Variants in GLB1 observed in about 807,000 individuals in gnomAD.
GLB1 encodes the protein galactosidase beta 1.
A neutral mutation model predicts 74.0 loss-of-function variants in GLB1; 56 were observed. The observed-to-expected ratio is 0.76, with a 90% CI of 0.61 to 0.94. The LOEUF (loss-of-function observed/expected upper bound fraction) is 0.94. GLB1 is among the 40% of genes least tolerant of loss of function. The pLI is 0.00. For synonymous variants in GLB1, 323 were observed against 323.6 expected (o/e 1.00, Z 0.02); for missense variants, 787 against 845.5 (o/e 0.93, Z 0.86).
rs934359178 is a variant in GLB1 at position 33,090,916 on chromosome 3, G to A, written c.75+6095C>T. ...ATTCAAGAGAAAGAAAAGAGGTAAGGATGCAAAATTAAAAAAAAAATAGGA... is the reference window on the plus strand; with the variant it reads ...ATTCAAGAGAAAGAAAAGAGGTAAGAATGCAAAATTAAAAAAAAAATAGGA... On this transcript the variant is annotated intron_variant, in intron 1 of 15. Coordinates refer to ENST00000307363, the MANE Select transcript of GLB1 (RefSeq NM_000404.4). 1.5e-5 allele frequency: 15 copies of A among 985,048 alleles called. No individual in the cohort carries two copies. In the African/African-American group the frequency reaches 2.5e-4, roughly 16 times the overall value. The allele number at this position is 985,048 out of a possible 1,614,324, so 61.0% of individuals were successfully genotyped here. A position where few individuals can be genotyped will look rare whatever the true frequency, so the allele number is the denominator to read the frequency against.
At chr3:33,021,770 A>G (rs1697495545) in intron 11 of GLB1, 115 bp from the exon 12 acceptor site, 2 of 1,184,196 alleles carry the variant, frequency 1.7e-6, no homozygotes, top group African/African-American at 1.5e-5. Flanking sequence ...CCCTAAATAA[A>G]CCTAAATCAT....
downstream of GLB1, among the ~76,000 whole-genome samples, chr3:32,991,937 G>C (rs1352320848): frequency 6.6e-6 from 1 of 152,240 alleles, no homozygotes; most frequent in Non-Finnish European, 1.5e-5. Flanking sequence ...AGACTTACTG[G>C]TTTATTATGC....
chr3:33,087,579 GC>G (rs1700563464), intron 1 of GLB1, among the ~76,000 whole-genome samples: 2 of 141,802 alleles, frequency 1.4e-5, no homozygotes, highest in African/African-American at 5.3e-5. Flanking sequence ...CAGCATGCGC[GC>G]ACACACACAC....
chr3:33,091,651 C>T, intron 1 of GLB1: 1 of 984,696 alleles, frequency 1.0e-6, no homozygotes, highest in Non-Finnish European at 1.2e-6. Context: ...GATAATTATC[C>T]CCATTTTAGG....
At chr3:33,056,396 G>T (rs554885675) in intron 6 of GLB1, among the ~76,000 whole-genome samples, 1 of 151,850 alleles carries the variant, frequency 6.6e-6, no homozygotes, top group African/African-American at 2.4e-5. Flanking sequence ...TCAAGGAACT[G>T]GTCTTTTTTG....
In GLB1 at chr3:33,035,292, T is replaced by A. The variant is rs1290515785; in HGVS notation, c.1068+10828A>T. Among the ~76,000 whole-genome samples, 3 of 151,722 alleles carry A rather than the reference T, an allele frequency of 2.0e-5. No individual in the cohort carries two copies. In the East Asian group the frequency reaches 5.8e-4, roughly 29 times the overall value. On this transcript the variant is annotated intron_variant, in intron 10 of 15. Transcript: ENST00000307363. ...ACAAAAAAATTAAAAATTAGACAGG[T>A]GTGGTGGCGCACACCTGTAGTTCTA...
the GLB1 span, among the ~76,000 whole-genome samples, chr3:32,961,256 CAG>C: frequency 6.6e-6 from 1 of 152,234 alleles, no homozygotes; most frequent in African/African-American, 2.4e-5. Context: ...GACTTAGAGA[CAG>C]AGATCCTTTT....
intron 1 of GLB1, among the ~76,000 whole-genome samples, chr3:33,086,866 C>G (rs1001163557): frequency 7.3e-5 from 11 of 149,912 alleles, no homozygotes; most frequent in African/African-American, 2.7e-4. Flanking sequence ...GATCCTGTTT[C>G]AAACAAAATA....
the GLB1 span, among the ~76,000 whole-genome samples, chr3:32,976,226 G>A: frequency 1.3e-5 from 2 of 152,150 alleles, no homozygotes; most frequent in African/African-American, 2.4e-5. Flanking sequence ...CAGATCCCTT[G>A]GCACTCCTTT....
At chr3:33,072,826 T>C in intron 1 of GLB1, 113 bp from the exon 2 acceptor site, 1 of 1,493,914 alleles carries the variant, frequency 6.7e-7, no homozygotes, top group Non-Finnish European at 9.1e-7. Context: ...AATGTGCTGA[T>C]GGACTTAATG....
chr3:33,046,976 G>T (rs923444584), intron 9 of GLB1, among the ~76,000 whole-genome samples: 2 of 152,150 alleles, frequency 1.3e-5, no homozygotes, highest in Non-Finnish European at 2.9e-5. Flanking sequence ...AACCCTCAGG[G>T]ATAGCCCACA....
chr3:33,020,645 A>T (rs1697429446), intron 12 of GLB1, among the ~76,000 whole-genome samples: 3 of 152,342 alleles, frequency 2.0e-5, no homozygotes, highest in Admixed American at 2.0e-4. Context: ...GAATATAATT[A>T]ATGTGTGATT....
intron 15 of GLB1, among the ~76,000 whole-genome samples, chr3:33,009,678 C>T (rs1269300557): frequency 2.0e-5 from 3 of 152,154 alleles, no homozygotes; most frequent in African/African-American, 7.2e-5. Context: ...AGTCTAAATA[C>T]ATTTAAGAAG....
At chr3:33,095,856 G>A (rs1701003115) in intron 1 of GLB1, among the ~76,000 whole-genome samples, 1 of 152,180 alleles carries the variant, frequency 6.6e-6, no homozygotes, top group Non-Finnish European at 1.5e-5. Flanking sequence ...GGTCCTACGG[G>A]CCTTCTGGAC....
the GLB1 span, among the ~76,000 whole-genome samples, chr3:32,983,371 T>G: frequency 6.6e-6 from 1 of 152,236 alleles, no homozygotes; most frequent in Non-Finnish European, 1.5e-5. Flanking sequence ...TCTTCTACTG[T>G]GTCTAACCAA....
At chr3:33,076,521 G>A (rs1417452207) in intron 1 of GLB1, among the ~76,000 whole-genome samples, 1 of 152,168 alleles carries the variant, frequency 6.6e-6, no homozygotes, top group East Asian at 1.9e-4. Context: ...TATGGCCCAC[G>A]GTGGTGACAA....
chr3:33,065,585 G>C (rs373583090), intron 4 of GLB1, 28 bp from the exon 5 acceptor site: 9 of 1,554,648 alleles, frequency 5.8e-6, no homozygotes, highest in Non-Finnish European at 7.8e-6. Flanking sequence ...TTTAACACAA[G>C]CTTGTCCAAC....
the GLB1 span, among the ~76,000 whole-genome samples, chr3:32,968,659 C>G: frequency 6.6e-6 from 1 of 152,116 alleles, no homozygotes; most frequent in Non-Finnish European, 1.5e-5. Flanking sequence ...TACATGAAGT[C>G]ACAAAGAAGA....
intron 15 of GLB1, among the ~76,000 whole-genome samples, chr3:33,000,232 C>T (rs554925443): frequency 1.3e-5 from 2 of 152,106 alleles, no homozygotes; most frequent in African/African-American, 4.8e-5. Flanking sequence ...TGAGCCACCT[C>T]GCCTGGCCAT....
Sources: gnomAD v4.1 joint callset for allele counts (sites outside exome capture counted in the v4.1 genomes callset) on GRCh38, gnomAD v4.1.1 for gene constraint, MANE v1.5 for transcripts, NCBI Gene and HGNC (gene_info 2026-07-23, HGNC 2026-07-21) for gene names.